The following FRAS1 variants were observed in gnomAD, a reference collection of about 807,000 sequenced individuals.
FRAS1 encodes the protein Fraser extracellular matrix complex subunit 1.
In FRAS1, 290 loss-of-function variants were observed where a neutral mutation model predicts 435.2. The ratio of observed to expected loss-of-function variants is 0.67; its 90% confidence interval spans 0.61 to 0.73. The LOEUF is 0.73. Ranked by LOEUF, FRAS1 falls within the 30% of genes least tolerant of loss-of-function variation. The probability of loss-of-function intolerance (pLI) is 0.00; values close to 1 mark genes in which losing one functional copy is unlikely to be tolerated. For synonymous variants in FRAS1, 1,800 were observed against 1,851.0 expected (o/e 0.97, Z 0.71); for missense variants, 4,860 against 5,001.5 (o/e 0.97, Z 0.85).
chr4:78,421,501 G>C (rs1351262816), intron 33 of FRAS1, among the ~76,000 whole-genome samples: 1 of 152,164 alleles, frequency 6.6e-6, no homozygotes, highest in Admixed American at 6.5e-5. Flanking sequence ...TGTCCGCCTA[G>C]ATTGAGGGTG....
At chr4:78,281,578 T>C (rs1727334376) in intron 11 of FRAS1, 145 bp downstream of exon 11, 1 of 537,936 alleles carries the variant, frequency 1.9e-6, no homozygotes, top group South Asian at 3.2e-5. Flanking sequence ...TTAAGAATCT[T>C]AATGATAACT....
At chr4:78,235,100 G>A (rs1724691917) in intron 2 of FRAS1, among the ~76,000 whole-genome samples, 1 of 152,048 alleles carries the variant, frequency 6.6e-6, no homozygotes, top group Non-Finnish European at 1.5e-5. Flanking sequence ...TTTTTTCCAG[G>A]AAACCTCAGT....
intron 14 of FRAS1, among the ~76,000 whole-genome samples, chr4:78,289,118 C>A (rs1189157683): frequency 1.3e-5 from 2 of 151,874 alleles, no homozygotes; most frequent in East Asian, 3.9e-4. Context: ...GAATAAAGGG[C>A]AGAGTTGAAA....
At chr4:78,338,791 G>A (rs984963622) in intron 20 of FRAS1, among the ~76,000 whole-genome samples, 3 of 152,224 alleles carry the variant, frequency 2.0e-5, no homozygotes, top group African/African-American at 7.2e-5. Flanking sequence ...GTTCGGTCTG[G>A]TGGATTGAGG....
intron 29 of FRAS1, among the ~76,000 whole-genome samples, chr4:78,396,713 T>G (rs966478622): frequency 6.6e-5 from 10 of 152,212 alleles, no homozygotes; most frequent in African/African-American, 2.4e-4. Flanking sequence ...TCTTTTTTAT[T>G]TTTGTTGTTA....
chr4:78,191,367 CTTT>C (rs1722524508), intron 2 of FRAS1, among the ~76,000 whole-genome samples: 1 of 152,104 alleles, frequency 6.6e-6, no homozygotes, highest in East Asian at 1.9e-4. Context: ...TGTCATCTAG[CTTT>C]TTGGATCATC....
chr4:78,110,450 G>T (rs1445632823), intron 2 of FRAS1, among the ~76,000 whole-genome samples: 5 of 97,518 alleles, frequency 5.1e-5, no homozygotes, highest in Non-Finnish European at 1.0e-4. Flanking sequence ...AATGCCGCAT[G>T]TCTACAACTA....
chr4:78,393,991 C>A (rs903874768), intron 29 of FRAS1, among the ~76,000 whole-genome samples: 1 of 151,834 alleles, frequency 6.6e-6, no homozygotes, highest in African/African-American at 2.4e-5. Flanking sequence ...TTTCATATAC[C>A]TGTTAGGCAT....
At chr4:78,414,673 A>G (rs1733480744) in intron 32 of FRAS1, among the ~76,000 whole-genome samples, 2 of 152,204 alleles carry the variant, frequency 1.3e-5, no homozygotes, top group Admixed American at 1.3e-4. Context: ...ACTATATGGC[A>G]TATTTAGTAT....
chr4:78,286,344 G>A, intron 13 of FRAS1, 61 bp from the exon 14 acceptor site: 1 of 1,596,770 alleles, frequency 6.3e-7, no homozygotes, highest in Non-Finnish European at 8.6e-7. Flanking sequence ...TGGCATGGGG[G>A]TGGTGTCTTT....
chr4:78,506,518 G>T (rs1047939750), intron 61 of FRAS1, among the ~76,000 whole-genome samples: 1 of 145,990 alleles, frequency 6.8e-6, no homozygotes, highest in African/African-American at 2.6e-5. Flanking sequence ...TGCTGCGCTA[G>T]CAGCGAGCAA....
intron 2 of FRAS1, among the ~76,000 whole-genome samples, chr4:78,080,492 C>T (rs1429800274): frequency 2.0e-5 from 3 of 152,102 alleles, no homozygotes; most frequent in Non-Finnish European, 4.4e-5. Context: ...AGTATCAAAT[C>T]TTTTGTAAGT....
intron 22 of FRAS1, 91 bp downstream of exon 22, chr4:78,364,145 T>A: frequency 3.0e-6 from 4 of 1,352,694 alleles, no homozygotes; most frequent in Non-Finnish European, 4.0e-6. Flanking sequence ...ACTTCCATCT[T>A]CTCACCTGGT....
intron 61 of FRAS1, among the ~76,000 whole-genome samples, chr4:78,506,894 A>G (rs1386937389): frequency 6.6e-6 from 1 of 152,028 alleles, no homozygotes; most frequent in Admixed American, 6.5e-5. Context: ...ACGGTACCCA[A>G]AGTGGGTCTT....
intron 2 of FRAS1, among the ~76,000 whole-genome samples, chr4:78,175,749 T>C (rs1010666568): frequency 1.3e-5 from 2 of 152,060 alleles, no homozygotes; most frequent in African/African-American, 4.8e-5. Context: ...TGATGCACAG[T>C]AGGAAGGGAG....
At chr4:78,179,993 A>T (rs1195048034) in intron 2 of FRAS1, among the ~76,000 whole-genome samples, 1 of 152,230 alleles carries the variant, frequency 6.6e-6, no homozygotes, top group African/African-American at 2.4e-5. Flanking sequence ...TATTCAGCCA[A>T]CCGACACTTA....
chr4:78,267,109 C>T (rs1014518667), intron 8 of FRAS1, 132 bp from the exon 9 acceptor site: 24 of 974,002 alleles, frequency 2.5e-5, no homozygotes, highest in Non-Finnish European at 3.6e-5. Flanking sequence ...TGCAAGGGAC[C>T]CTGCCCATCG....
intron 30 of FRAS1, among the ~76,000 whole-genome samples, chr4:78,403,508 A>G (rs990920454): frequency 2.6e-5 from 4 of 152,190 alleles, no homozygotes; most frequent in Non-Finnish European, 4.4e-5. Flanking sequence ...GCTTGCATCT[A>G]TCAGTCCCAA....
chr4:78,090,193 C>T (rs1358049254), intron 2 of FRAS1, among the ~76,000 whole-genome samples: 1 of 152,154 alleles, frequency 6.6e-6, no homozygotes, highest in East Asian at 1.9e-4. Flanking sequence ...ACATAGTACT[C>T]TAGCAAAACA....
Sources: allele counts gnomAD v4.1 joint callset (sites outside exome capture counted in the v4.1 genomes callset), GRCh38; gene constraint gnomAD v4.1.1; transcripts MANE v1.5; gene names NCBI Gene and HGNC (gene_info 2026-07-23, HGNC 2026-07-21).